The following ZXDC variants were observed in gnomAD, a reference collection of about 807,000 sequenced individuals.
ZXDC encodes the protein zinc finger protein ZXDC.
A neutral mutation model predicts 63.6 loss-of-function variants in ZXDC; 58 were observed. The observed-to-expected ratio is 0.91, with a 90% confidence interval of 0.74 to 1.13. The LOEUF is 1.13. ZXDC is among the 50% of genes most tolerant of loss of function. The pLI is 0.00. For missense variants in ZXDC, 1,133 were observed against 1,148.9 expected (o/e 0.99, Z 0.20); for synonymous variants, 561 against 496.1 (o/e 1.13, Z -1.74).
chr3:126,457,676 G>A (rs1934359926), intron 7 of ZXDC: 1 of 984,172 alleles, frequency 1.0e-6, no homozygotes, highest in Non-Finnish European at 1.2e-6. Flanking sequence ...AAAAAAACGA[G>A]AAGCTGCGCT....
chr3:126,469,879 A>G (rs1451778797), intron 4 of ZXDC, among the ~76,000 whole-genome samples: 1 of 152,206 alleles, frequency 6.6e-6, no homozygotes, highest in Non-Finnish European at 1.5e-5. Flanking sequence ...ATATATGTTC[A>G]TTATGTTCTA....
intron 6 of ZXDC, chr3:126,460,078 A>G (rs931745043): frequency 1.0e-6 from 1 of 985,316 alleles, no homozygotes; most frequent in Admixed American, 6.1e-5. Flanking sequence ...TGGGTAACCC[A>G]GGGTCACCTT....
At chr3:126,463,138 G>A (rs1045491877) in intron 5 of ZXDC, among the ~76,000 whole-genome samples, 8 of 151,766 alleles carry the variant, frequency 5.3e-5, no homozygotes, top group Non-Finnish European at 8.8e-5. Context: ...GCGCGATCTC[G>A]GCTCACTGCA....
chr3:126,453,755 T>G (rs1004496562), intron 7 of ZXDC: 1 of 976,670 alleles, frequency 1.0e-6, no homozygotes, highest in Admixed American at 6.2e-5. Flanking sequence ...AGTGCAATGG[T>G]GCGATCTTGG....
At position 126,469,162 on chromosome 3, in the gene ZXDC, C is replaced by G. The variant is rs1210752343; in HGVS notation, c.1270+1733G>C. On this transcript the variant is annotated intron_variant, in intron 4 of 9. Coordinates refer to ENST00000389709, the MANE Select transcript of ZXDC (RefSeq NM_025112.5). ...TACGTGGCAAACTTAGGACTCGAATCCAGGCAGTCTGACTCCAGAATTCAG... is the reference window on the plus strand; with the variant it reads ...TACGTGGCAAACTTAGGACTCGAATGCAGGCAGTCTGACTCCAGAATTCAG... Among the ~76,000 whole-genome samples, 4 of 152,288 alleles carry G rather than the reference C, an allele frequency of 2.6e-5. No homozygotes were observed. In the South Asian group the frequency reaches 6.2e-4, roughly 24 times the overall value.
intron 4 of ZXDC, among the ~76,000 whole-genome samples, chr3:126,467,296 T>G (rs1178911888): frequency 6.9e-6 from 1 of 145,210 alleles, no homozygotes; most frequent in Non-Finnish European, 1.5e-5. Flanking sequence ...GTTCAGCCTC[T>G]TACCAGCAGT....
intron 1 of ZXDC, among the ~76,000 whole-genome samples, chr3:126,472,518 C>A (rs972086271): frequency 6.6e-6 from 1 of 152,172 alleles, no homozygotes; most frequent in Non-Finnish European, 1.5e-5. Flanking sequence ...ACACGCTGGC[C>A]ACCTGTTGCA....
intron 5 of ZXDC, among the ~76,000 whole-genome samples, chr3:126,465,354 G>A (rs1576685182): frequency 6.6e-6 from 1 of 152,344 alleles, no homozygotes; most frequent in East Asian, 1.9e-4. Context: ...CTAGTCCCAT[G>A]CTGCAAAGCT....
rs562324398 is a variant in ZXDC at position 126,440,975 on chromosome 3, G to C, written c.2394+790C>G. 20 of 985,590 alleles carry C rather than the reference G, an allele frequency of 2.0e-5. No individual in the cohort carries two copies. In the African/African-American group the frequency reaches 3.5e-4, roughly 17 times the overall value. The allele number at this position is 985,590 out of a possible 1,614,324, so 61.1% of individuals were successfully genotyped here. On this transcript the variant is annotated intron_variant, in intron 8 of 9. Transcript: ENST00000389709. ...CCGCACTTCCGTGGGGCCTGCAACCGCATCCCCTGCCACAGGGAATCTACA... is the reference window on the plus strand; with the variant it reads ...CCGCACTTCCGTGGGGCCTGCAACCCCATCCCCTGCCACAGGGAATCTACA...
intron 5 of ZXDC, among the ~76,000 whole-genome samples, chr3:126,463,306 T>G (rs1173718473): frequency 1.3e-5 from 2 of 152,136 alleles, no homozygotes; most frequent in African/African-American, 2.4e-5. Flanking sequence ...CCTGACCTCG[T>G]GATCGGCCCG....
Position 126,466,325 on chromosome 3 carries a change from C to T in ZXDC, c.1271G>A (p.Gly424Glu). 1 of 1,614,020 alleles carries T rather than the reference C, an allele frequency of 6.2e-7. No homozygotes were observed. The highest frequency in any genetic ancestry group is 8.5e-7 in the Non-Finnish European group (1 of 1,179,996). The part of the protein sequence containing the change: ...GTKPFECPVE[G>E]CCARFSARSS... Reference sequence around the variant, plus strand: ...ACGAGCGGAGAACCTCGCGCAACATCCTGGAACAAAAAGAGTAATGAGAGT... The same window carrying T: ...ACGAGCGGAGAACCTCGCGCAACATTCTGGAACAAAAAGAGTAATGAGAGT... Residue 424 changes from glycine to glutamate, a missense_variant and splice_region_variant, in exon 5 of 10, where the codon GGA becomes GAA. Gly to Glu is a moderately conservative substitution (Grantham distance 98). Transcript: ENST00000389709.
In ZXDC at chr3:126,437,944, G is replaced by C. The variant is rs1933522147; in HGVS notation, c.*431C>G. On this transcript the variant is annotated 3_prime_UTR_variant, in exon 10 of 10. Coordinates refer to ENST00000389709, the MANE Select transcript of ZXDC (RefSeq NM_025112.5). ...CCCACAAACCCCATCCCAGGTGCTG[G>C]GATGCTAACACACTGAAGCTGAAAG... 1.7e-5 allele frequency: 3 copies of C among 173,776 alleles called. No homozygotes were observed. The South Asian group carries it at 3.6e-4, about 21-fold the overall frequency. The allele number at this position is 173,776 out of a possible 1,614,324, so 10.8% of individuals were successfully genotyped here.
At chr3:126,462,366 A>G in intron 5 of ZXDC, 146 bp from the exon 6 acceptor site, 1 of 1,386,612 alleles carries the variant, frequency 7.2e-7, no homozygotes, top group Non-Finnish European at 9.4e-7. Context: ...ATCACGACAG[A>G]GTCCCATGGC....
chr3:126,443,520 G>A (rs549077776), intron 7 of ZXDC: 8 of 152,196 alleles, frequency 5.3e-5, no homozygotes, highest in East Asian at 3.9e-4. Context: ...AACAAATACC[G>A]ACATAGACAT....
chr3:126,451,314 C>G (rs867766009), intron 7 of ZXDC: 41 of 985,270 alleles, frequency 4.2e-5, no homozygotes, highest in Middle Eastern at 1.0e-3. Context: ...CCCACTTTTT[C>G]TTACAAATAT....
chr3:126,449,684 C>T lies in ZXDC; in HGVS notation c.2213-7738G>A, dbSNP rs78148397. ...CCAAAGGCTGGAGACCTGCCACTGACGGCCAGGAGTCAAGGGACTTTCCAC... is the reference window on the plus strand; with the variant it reads ...CCAAAGGCTGGAGACCTGCCACTGATGGCCAGGAGTCAAGGGACTTTCCAC... On this transcript the variant is annotated intron_variant, in intron 7 of 9. Coordinates refer to ENST00000389709, the MANE Select transcript of ZXDC (RefSeq NM_025112.5). 4.0e-3 allele frequency among the ~76,000 whole-genome samples: 611 copies of T among 152,332 alleles called. 2 individuals are homozygous for T. Among genetic ancestry groups the T allele is most frequent in the African/African-American group, 0.013 (561 of 41,588 alleles).
At chr3:126,451,980 A>T in intron 7 of ZXDC, 1 of 985,446 alleles carries the variant, frequency 1.0e-6, no homozygotes, top group Non-Finnish European at 1.2e-6. Flanking sequence ...TTCATGCCTT[A>T]GAAAAACCTT....
chr3:126,451,397 C>G, intron 7 of ZXDC: 1 of 985,352 alleles, frequency 1.0e-6, no homozygotes, highest in Non-Finnish European at 1.2e-6. Context: ...TAAACAGTCC[C>G]GCACTGAGCA....
Position 126,438,188 on chromosome 3 carries a change from T to G in ZXDC, c.*187A>C, listed in dbSNP as rs1933534596. On this transcript the variant is annotated 3_prime_UTR_variant, in exon 10 of 10. Coordinates refer to ENST00000389709, the MANE Select transcript of ZXDC (RefSeq NM_025112.5). ...CTCACAAAGGCAGTTTCAAAGAGTA[T>G]AGCCCGAACTCATTCCTGGTAAAAC... 2 of 621,446 alleles carry G rather than the reference T, an allele frequency of 3.2e-6. No homozygotes were observed. Among genetic ancestry groups the G allele is most frequent in the Non-Finnish European group, 5.7e-6 (2 of 349,130 alleles). The allele number at this position is 621,446 out of a possible 1,614,324, so 38.5% of individuals were successfully genotyped here. A position where few individuals can be genotyped will look rare whatever the true frequency, so the allele number is the denominator to read the frequency against.
Sources: gnomAD v4.1 joint callset for allele counts (sites outside exome capture counted in the v4.1 genomes callset) on GRCh38, gnomAD v4.1.1 for gene constraint, MANE v1.5 for transcripts, NCBI Gene and HGNC (gene_info 2026-07-23, HGNC 2026-07-21) for gene names.